Variants in SGMS1 observed in about 807,000 individuals in gnomAD.
SGMS1 encodes phosphatidylcholine:ceramide cholinephosphotransferase 1.
Under a neutral mutation model 46.2 loss-of-function variants are expected in SGMS1, and 13 were observed. The ratio of observed to expected loss-of-function variants is 0.28; its 90% CI spans 0.18 to 0.45. The LOEUF (loss-of-function observed/expected upper bound fraction) is 0.45. Among genes scored for constraint, SGMS1 ranks in the 20% least tolerant of loss-of-function variants. The pLI is 1.00. For missense variants in SGMS1, 324 were observed against 519.9 expected, an observed-to-expected ratio of 0.62 and a Z score of 3.66; for synonymous variants, 203 against 187.8, an observed-to-expected ratio of 1.08 and a Z score of -0.66.
At chr10:50,559,969 G>A (rs1331768575) in intron 2 of SGMS1, among the ~76,000 whole-genome samples, 1 of 151,628 alleles carries the variant, frequency 6.6e-6, no homozygotes, top group African/African-American at 2.4e-5. Flanking sequence ...AGCTCAGAGA[G>A]AATGTGGTTT....
chr10:50,436,132 T>A (rs1274354920), intron 5 of SGMS1, among the ~76,000 whole-genome samples: 1 of 152,144 alleles, frequency 6.6e-6, no homozygotes, highest in East Asian at 1.9e-4. Flanking sequence ...TGAGACATAG[T>A]CTCGCTCTGT....
chr10:50,598,598 G>A (rs185273705), intron 1 of SGMS1, among the ~76,000 whole-genome samples: 1 of 152,152 alleles, frequency 6.6e-6, no homozygotes, highest in Non-Finnish European at 1.5e-5. Flanking sequence ...TAGCTCTGAA[G>A]TTCCTTGCCA....
intron 6 of SGMS1, among the ~76,000 whole-genome samples, chr10:50,408,446 A>AAT (rs1554935198): frequency 9.4e-5 from 14 of 148,646 alleles, no homozygotes; most frequent in Non-Finnish European, 1.9e-4. Context: ...AAAAAAAAAA[A>AAT]AAAAAAAAAC....
At chr10:50,325,758 C>A (rs1356306952) in intron 8 of SGMS1, among the ~76,000 whole-genome samples, 1 of 152,136 alleles carries the variant, frequency 6.6e-6, no homozygotes, top group African/African-American at 2.4e-5. Flanking sequence ...ATGTGCTTGG[C>A]CAGAACCTAC....
At chr10:50,354,649 C>T (rs1233739843) in intron 6 of SGMS1, among the ~76,000 whole-genome samples, 1 of 152,150 alleles carries the variant, frequency 6.6e-6, no homozygotes, top group Admixed American at 6.5e-5. Flanking sequence ...TCAGAATGAA[C>T]AGGCAACCTA....
Position 50,307,519 on chromosome 10 carries a change from C to T in SGMS1, c.1063-198G>A, listed in dbSNP as rs1847195572. 6.6e-6 allele frequency among the ~76,000 whole-genome samples: 1 copy of T among 152,112 alleles called. No individual in the cohort carries two copies. The highest frequency in any genetic ancestry group is 1.5e-5 in the Non-Finnish European group (1 of 68,034). On this transcript the variant is annotated intron_variant, in intron 10 of 10. Coordinates refer to ENST00000361781, the MANE Select transcript of SGMS1 (RefSeq NM_147156.4). This position sits in a 1 kb window ranked among gnomAD's most constrained non-coding sequence, Gnocchi z 4.2. The stretch of plus-strand genomic sequence containing the variant: ...GCCACATCCCAGTAGAAAAACAACG[C>T]CAATTCTGGGAGGGCAAGGAGAACT...
intron 6 of SGMS1, among the ~76,000 whole-genome samples, chr10:50,410,127 G>A (rs1484161508): frequency 6.6e-6 from 1 of 152,136 alleles, no homozygotes; most frequent in Non-Finnish European, 1.5e-5. Context: ...TCGTTTACAT[G>A]AGTCACTCAC....
At position 50,417,108 on chromosome 10, in the gene SGMS1, T is replaced by A. The variant is rs1849181551; in HGVS notation, c.-232+16368A>T. Among the ~76,000 whole-genome samples the A allele has an allele frequency of 3.3e-5, 5 of 152,196 alleles. No homozygotes were observed. The South Asian group carries it at 8.3e-4, about 25-fold the overall frequency. ...GTCTTTCCTGTACGCAGTCAGTGTT[T>A]CTGATCATGATAACTTCCCTGTTGC... On this transcript the variant is annotated intron_variant, in intron 6 of 10. Transcript: ENST00000361781.
At chr10:50,548,040 C>A (rs1431452672) in intron 2 of SGMS1, among the ~76,000 whole-genome samples, 3 of 152,078 alleles carry the variant, frequency 2.0e-5, no homozygotes, top group Admixed American at 6.6e-5. Flanking sequence ...AAGGAACATA[C>A]CTCAAAATAA....
chr10:50,427,509 G>T (rs1324457307), intron 6 of SGMS1, among the ~76,000 whole-genome samples: 5 of 152,198 alleles, frequency 3.3e-5, no homozygotes, highest in Admixed American at 3.3e-4. Flanking sequence ...GAACACAGCA[G>T]TCTAGCATGT....
intron 1 of SGMS1, among the ~76,000 whole-genome samples, chr10:50,604,079 C>A (rs1007254301): frequency 6.6e-6 from 1 of 152,068 alleles, no homozygotes; most frequent in African/African-American, 2.4e-5. Context: ...AAAATAGGGG[C>A]CTCAGTGCAA....
At chr10:50,361,526 AT>A (rs146895034) in intron 6 of SGMS1, among the ~76,000 whole-genome samples, 3 of 152,182 alleles carry the variant, frequency 2.0e-5, no homozygotes, top group Non-Finnish European at 4.4e-5. Flanking sequence ...TTAAAGTTCA[AT>A]TTTTTAAGGG....
intron 2 of SGMS1, among the ~76,000 whole-genome samples, chr10:50,553,692 T>C (rs550373931): frequency 6.6e-6 from 1 of 152,306 alleles, no homozygotes; most frequent in South Asian, 2.1e-4. Context: ...CAATAAACTA[T>C]GACAGCTAAT....
intron 1 of SGMS1, among the ~76,000 whole-genome samples, chr10:50,603,238 G>A (rs923008960): frequency 1.3e-5 from 2 of 152,192 alleles, no homozygotes; most frequent in South Asian, 2.1e-4. Flanking sequence ...AGATGAGGAA[G>A]TTAAGATTCA....
intron 4 of SGMS1, among the ~76,000 whole-genome samples, chr10:50,464,525 A>G (rs60501983): frequency 2.6e-3 from 399 of 152,274 alleles, no homozygotes; most frequent in African/African-American, 9.3e-3. Context: ...CTCTGCCTCC[A>G]GGGTTCAAAT....
intron 3 of SGMS1, among the ~76,000 whole-genome samples, chr10:50,493,282 G>A (rs546899244): frequency 4.3e-4 from 65 of 152,208 alleles, no homozygotes; most frequent in Non-Finnish European, 6.5e-4. Context: ...GATTGAAACC[G>A]GACCCCTTCC....
chr10:50,446,508 A>C (rs1254115251), intron 5 of SGMS1, among the ~76,000 whole-genome samples: 3 of 152,230 alleles, frequency 2.0e-5, no homozygotes, highest in Non-Finnish European at 4.4e-5. Flanking sequence ...TATATTCATA[A>C]CAGCCAAAAA....
intron 2 of SGMS1, among the ~76,000 whole-genome samples, chr10:50,562,357 C>CGA (rs1292749952): frequency 6.1e-5 from 7 of 115,396 alleles, no homozygotes; most frequent in Non-Finnish European, 1.3e-4. Context: ...TGTGTGTGTG[C>CGA]GCGCGCGCAC....
chr10:50,394,096 T>G (rs958931748), intron 6 of SGMS1, among the ~76,000 whole-genome samples: 1 of 152,344 alleles, frequency 6.6e-6, no homozygotes, highest in South Asian at 2.1e-4. Context: ...CATTCTGACA[T>G]CTTTCTGCTT....
Sources: allele counts gnomAD v4.1 joint callset (sites outside exome capture counted in the v4.1 genomes callset), GRCh38; gene constraint gnomAD v4.1.1; non-coding constraint Gnocchi (gnomAD v3.1); transcripts MANE v1.5; gene names NCBI Gene and HGNC (gene_info 2026-07-23, HGNC 2026-07-21).